Variants in TNRC6B observed in about 807,000 individuals in gnomAD.
TNRC6B encodes the protein trinucleotide repeat containing adaptor 6B, also known as trinucleotide repeat-containing gene 6B protein.
A neutral mutation model predicts 203.6 loss-of-function variants in TNRC6B; 52 were observed. That is an observed-to-expected ratio of 0.26 (90% confidence interval 0.20 to 0.32). The LOEUF (loss-of-function observed/expected upper bound fraction) is 0.32. Among genes scored for constraint, TNRC6B ranks in the 10% least tolerant of loss-of-function variants. The pLI is 1.00. For synonymous variants in TNRC6B, 838 were observed against 845.7 expected (o/e 0.99, Z 0.16); for missense variants, 1,923 against 2,286.2 (o/e 0.84, Z 3.24).
intron 1 of TNRC6B, among the ~76,000 whole-genome samples, chr22:40,097,052 G>T (rs2068191323): frequency 1.3e-5 from 2 of 152,218 alleles, no homozygotes; most frequent in African/African-American, 4.8e-5. Flanking sequence ...CCCATCAGGG[G>T]AGTTCACCCT....
intron 1 of TNRC6B, among the ~76,000 whole-genome samples, chr22:40,057,041 G>A (rs963144129): frequency 1.3e-5 from 2 of 152,106 alleles, no homozygotes; most frequent in Non-Finnish European, 2.9e-5. Flanking sequence ...CTCAAAATGA[G>A]TTTATGCTAC....
At chr22:40,092,152 C>T (rs951977561) in intron 1 of TNRC6B, among the ~76,000 whole-genome samples, 2 of 152,236 alleles carry the variant, frequency 1.3e-5, no homozygotes, top group African/African-American at 4.8e-5. Context: ...CCTGTAATCC[C>T]AACACTTTGG....
intron 1 of TNRC6B, among the ~76,000 whole-genome samples, chr22:40,050,972 G>T (rs1205388152): frequency 6.6e-6 from 1 of 151,754 alleles, no homozygotes; most frequent in African/African-American, 2.4e-5. Context: ...CTACAGGTGC[G>T]CACCACCACA....
At chr22:40,280,999 G>T in intron 10 of TNRC6B, 120 bp from the exon 11 acceptor site, 3 of 799,094 alleles carry the variant, frequency 3.8e-6, no homozygotes, top group Non-Finnish European at 5.7e-6. Flanking sequence ...TCCATCCTTG[G>T]TTATTGCTAA....
intron 4 of TNRC6B, among the ~76,000 whole-genome samples, chr22:40,168,372 A>G (rs1315581768): frequency 1.3e-5 from 2 of 152,196 alleles, no homozygotes; most frequent in African/African-American, 2.4e-5. Context: ...GTGGTTAATC[A>G]TAACAGGCTA....
intron 1 of TNRC6B, among the ~76,000 whole-genome samples, chr22:40,189,448 T>G (rs1434414431): frequency 6.6e-6 from 1 of 151,458 alleles, no homozygotes; most frequent in Admixed American, 6.6e-5. Flanking sequence ...TACATTTGAT[T>G]AGTTCAGCAT....
rs1254026942 is a variant in TNRC6B at position 40,299,240 on chromosome 22, C to CT, written c.3709-1199dup. Among the ~76,000 whole-genome samples, 1,194 of 134,856 alleles carry CT rather than the reference C, an allele frequency of 8.9e-3. 18 individuals are homozygous for CT. The highest frequency in any genetic ancestry group is 0.024 in the African/African-American group (897 of 36,906). 88.5% of individuals were successfully genotyped at this position (134,856 alleles called of 152,430 possible). A position where few individuals can be genotyped will look rare whatever the true frequency, so the allele number is the denominator to read the frequency against. On this transcript the variant is annotated intron_variant, in intron 12 of 22. Coordinates refer to ENST00000454349, the MANE Select transcript of TNRC6B (RefSeq NM_001162501.2). ...GGCAGTCTGCCTCTAGAACTAAAGT[C>CT]TTTTTTTTTTTTTTTTGAGATGGAA...
At chr22:40,168,198 A>G (rs1462097477) in intron 4 of TNRC6B, among the ~76,000 whole-genome samples, 6 of 152,198 alleles carry the variant, frequency 3.9e-5, no homozygotes, top group African/African-American at 1.4e-4. Context: ...TTTACAGCCT[A>G]AAAGTACCTA....
intron 1 of TNRC6B, 42 bp downstream of exon 1, chr22:40,178,182 A>T: frequency 6.2e-7 from 1 of 1,609,992 alleles, no homozygotes; most frequent in African/African-American, 1.3e-5. Context: ...ATTGATTTAT[A>T]TGGATCTTGT....
rs985939681 is a variant in TNRC6B, at chr22:40,330,347, G to A, written c.*7106G>A. On this transcript the variant is annotated 3_prime_UTR_variant, in exon 23 of 23. Transcript: ENST00000454349. ...CGGAATCTGGCGTTCCTTCCCCTTCGGCTACTGAAAGGTGTGTACAACTCC... is the reference window on the plus strand; with the variant it reads ...CGGAATCTGGCGTTCCTTCCCCTTCAGCTACTGAAAGGTGTGTACAACTCC... 5 of 152,214 alleles carry A rather than the reference G, an allele frequency of 3.3e-5. No homozygotes were observed. The highest frequency in any genetic ancestry group is 1.9e-4 in the East Asian group (1 of 5,180). 9.4% of individuals were successfully genotyped at this position (152,214 alleles called of 1,614,324 possible).
intron 1 of TNRC6B, among the ~76,000 whole-genome samples, chr22:40,048,007 A>G (rs535299557): frequency 6.6e-6 from 1 of 152,308 alleles, no homozygotes; most frequent in South Asian, 2.1e-4. Context: ...TCATGTGCAA[A>G]ATGCGCGTTT....
chr22:40,097,466 C>T (rs974012262), intron 1 of TNRC6B, among the ~76,000 whole-genome samples: 3 of 151,954 alleles, frequency 2.0e-5, no homozygotes, highest in Non-Finnish European at 4.4e-5. Context: ...CCACCACACG[C>T]GGCCAATTTT....
chr22:40,088,088 T>A (rs753282235), intron 1 of TNRC6B, among the ~76,000 whole-genome samples: 3 of 152,254 alleles, frequency 2.0e-5, no homozygotes, highest in Non-Finnish European at 2.9e-5. Context: ...TATTTTTGGC[T>A]AATCTTCAGA....
At chr22:40,182,684 A>G (rs1377177274) in intron 1 of TNRC6B, among the ~76,000 whole-genome samples, 2 of 152,256 alleles carry the variant, frequency 1.3e-5, no homozygotes, top group Non-Finnish European at 2.9e-5. Flanking sequence ...GTGACTAACT[A>G]TATAACTTAC....
At chr22:40,071,303 C>T (rs993426219) in intron 1 of TNRC6B, among the ~76,000 whole-genome samples, 1 of 152,104 alleles carries the variant, frequency 6.6e-6, no homozygotes, top group African/African-American at 2.4e-5. Flanking sequence ...TCATAGTTCC[C>T]CTCTTCTCCT....
chr22:40,074,887 G>T (rs2067992121), intron 1 of TNRC6B, among the ~76,000 whole-genome samples: 1 of 152,068 alleles, frequency 6.6e-6, no homozygotes, highest in South Asian at 2.1e-4. Context: ...GAGCCTGGAA[G>T]GTGGAGGCTG....
At chr22:40,049,455 C>T (rs551186700) in intron 1 of TNRC6B, among the ~76,000 whole-genome samples, 2 of 152,130 alleles carry the variant, frequency 1.3e-5, no homozygotes, top group East Asian at 1.9e-4. Context: ...ACTAAGGGCT[C>T]CTTTTATTGT....
At chr22:40,321,556 G>A (rs949069837) in intron 22 of TNRC6B, 2 of 229,492 alleles carry the variant, frequency 8.7e-6, no homozygotes, top group Non-Finnish European at 8.8e-6. Context: ...GGGAGGCCAA[G>A]GCGGGCAGAT....
chr22:40,290,943 CA>C (rs1569056455), intron 12 of TNRC6B, among the ~76,000 whole-genome samples: 1 of 152,180 alleles, frequency 6.6e-6, no homozygotes, highest in African/African-American at 2.4e-5. Flanking sequence ...CTGCTCTACC[CA>C]AAAAAGAAAA....
Sources: gnomAD v4.1 joint callset for allele counts (sites outside exome capture counted in the v4.1 genomes callset) on GRCh38, gnomAD v4.1.1 for gene constraint, MANE v1.5 for transcripts, NCBI Gene and HGNC (gene_info 2026-07-23, HGNC 2026-07-21) for gene names.